PTPRG: variants seen among roughly 807,000 people sequenced by gnomAD.
The protein encoded by PTPRG is receptor-type tyrosine-protein phosphatase gamma.
PTPRG carries 102 observed loss-of-function variants against 165.3 expected under a neutral mutation model. That is an observed-to-expected ratio of 0.62 (90% CI 0.53 to 0.73). The LOEUF (loss-of-function observed/expected upper bound fraction) is 0.73, where lower values mean the gene tolerates loss of function less well. PTPRG is among the 30% of genes least tolerant of loss of function. PTPRG has a pLI of 0.00. For synonymous variants in PTPRG, 675 were observed against 669.5 expected (o/e 1.01, Z -0.13); for missense variants, 1,866 against 1,861.4 (o/e 1.00, Z -0.05).
At chr3:61,792,756 G>A (rs1380600006) in intron 2 of PTPRG, among the ~76,000 whole-genome samples, 3 of 143,574 alleles carry the variant, frequency 2.1e-5, no homozygotes, top group South Asian at 4.4e-4. Flanking sequence ...TTGAGATGGA[G>A]TCTCGCTCGA....
chr3:61,874,931 G>A (rs1231410397), intron 2 of PTPRG, among the ~76,000 whole-genome samples: 1 of 152,218 alleles, frequency 6.6e-6, no homozygotes, highest in Non-Finnish European at 1.5e-5. Context: ...TAGAGCTGGA[G>A]ACAAAGCAGG....
At position 62,229,005 on chromosome 3, in the gene PTPRG, C is replaced by CT. The variant is rs540977005; in HGVS notation, c.2289-2212dup. Among the ~76,000 whole-genome samples, 2 of 151,908 alleles carry CT rather than the reference C, an allele frequency of 1.3e-5. No individual in the cohort carries two copies. Among genetic ancestry groups the CT allele is most frequent in the Admixed American group, 1.3e-4 (2 of 15,244 alleles). ...CCATATCTGTGGCCATATTTCAAGACTTTTTTTTAATCATTAGGAATAATT... is the reference window on the plus strand; with the variant it reads ...CCATATCTGTGGCCATATTTCAAGACTTTTTTTTTAATCATTAGGAATAATT... On this transcript the variant is annotated intron_variant, in intron 13 of 29. Coordinates refer to ENST00000474889, the MANE Select transcript of PTPRG (RefSeq NM_002841.4). The surrounding 1 kb of genome is among the most constrained non-coding windows in gnomAD (Gnocchi z 4.6).
At chr3:62,184,069 C>T (rs1238041480) in intron 8 of PTPRG, among the ~76,000 whole-genome samples, 1 of 152,186 alleles carries the variant, frequency 6.6e-6, no homozygotes, top group Non-Finnish European at 1.5e-5. Context: ...TTCCTTGGCC[C>T]AGCCCAGTAA....
intron 2 of PTPRG, among the ~76,000 whole-genome samples, chr3:61,985,158 C>G (rs933869925): frequency 6.6e-6 from 1 of 152,252 alleles, no homozygotes; most frequent in African/African-American, 2.4e-5. Context: ...GGGGCGAACT[C>G]TACTTTTGAC....
chr3:61,800,323 G>C (rs1453756269), intron 2 of PTPRG, among the ~76,000 whole-genome samples: 1 of 152,038 alleles, frequency 6.6e-6, no homozygotes, highest in African/African-American at 2.4e-5. Flanking sequence ...CAAAAATAAA[G>C]ACAGAAAACA....
At chr3:62,063,112 A>G (rs1455425234) in intron 4 of PTPRG, among the ~76,000 whole-genome samples, 2 of 152,268 alleles carry the variant, frequency 1.3e-5, no homozygotes, top group Non-Finnish European at 1.5e-5. Context: ...GGGACCCAGA[A>G]TAATTAAATG....
chr3:61,761,644 T>G (rs1481999857), intron 2 of PTPRG, among the ~76,000 whole-genome samples: 1 of 152,152 alleles, frequency 6.6e-6, no homozygotes, highest in Non-Finnish European at 1.5e-5. Context: ...GGTATCTCAC[T>G]GTAGTTTTGA....
chr3:61,715,647 G>A (rs1314092698), intron 1 of PTPRG, among the ~76,000 whole-genome samples: 2 of 152,142 alleles, frequency 1.3e-5, no homozygotes, highest in Non-Finnish European at 2.9e-5. Context: ...GAGTGCAGCT[G>A]GGTTGACTGC....
intron 4 of PTPRG, among the ~76,000 whole-genome samples, chr3:62,046,783 TTTG>T: frequency 6.6e-6 from 1 of 152,284 alleles, no homozygotes; most frequent in African/African-American, 2.4e-5. Context: ...AAGGTAGATG[TTTG>T]TTATTTATCT....
intron 1 of PTPRG, among the ~76,000 whole-genome samples, chr3:61,671,429 CAT>C (rs1268605027): frequency 6.6e-6 from 1 of 151,820 alleles, no homozygotes; most frequent in African/African-American, 2.4e-5. Flanking sequence ...GGATATAGCA[CAT>C]GTTTCAGAGA....
intron 14 of PTPRG, among the ~76,000 whole-genome samples, chr3:62,236,213 G>A (rs147098521): frequency 2.6e-5 from 4 of 152,268 alleles, no homozygotes; most frequent in East Asian, 3.9e-4. Flanking sequence ...GTGGAATCCC[G>A]GAGTTATTTC....
At chr3:62,205,546 G>C (rs1260163922) in intron 12 of PTPRG, among the ~76,000 whole-genome samples, 1 of 151,790 alleles carries the variant, frequency 6.6e-6, no homozygotes, top group African/African-American at 2.4e-5. Context: ...GTGTAGCTCT[G>C]AGTGGTCAAG....
chr3:61,900,877 G>A (rs2038482546), intron 2 of PTPRG, among the ~76,000 whole-genome samples: 1 of 152,064 alleles, frequency 6.6e-6, no homozygotes, highest in Admixed American at 6.5e-5. Context: ...GTCCCGCTGT[G>A]GTTTTAGGCA....
At chr3:62,091,544 C>T (rs1701930681) in intron 5 of PTPRG, among the ~76,000 whole-genome samples, 1 of 152,110 alleles carries the variant, frequency 6.6e-6, no homozygotes, top group Non-Finnish European at 1.5e-5. Flanking sequence ...TTCCCCTGGA[C>T]CCCAAGGAAC....
intron 2 of PTPRG, among the ~76,000 whole-genome samples, chr3:61,887,068 T>C (rs2038057465): frequency 7.3e-6 from 1 of 137,856 alleles, no homozygotes; most frequent in Non-Finnish European, 1.6e-5. Context: ...TTTCTGATTG[T>C]TTTCCACTTA....
At chr3:61,748,789 C>T (rs1412801806) in intron 1 of PTPRG, 89 bp from the exon 2 acceptor site, 26 of 1,004,278 alleles carry the variant, frequency 2.6e-5, no homozygotes, top group Middle Eastern at 3.1e-4. Flanking sequence ...TATGATTCTA[C>T]GAAGTCACCC....
At position 62,233,200 on chromosome 3, in the gene PTPRG, C is replaced by A. The variant is rs1253872849; in HGVS notation, c.2375+1889C>A. ...CGGCGTGAATCCTGAGCAGTACCCC[C>A]TCTCACAGCTACATGTGCTATGCTA... is the stretch of plus-strand genomic sequence containing the variant. On this transcript the variant is annotated intron_variant, in intron 14 of 29. Transcript: ENST00000474889. This position sits in a 1 kb window ranked among gnomAD's most constrained non-coding sequence, Gnocchi z 4.7. 6.6e-6 allele frequency among the ~76,000 whole-genome samples: 1 copy of A among 152,186 alleles called. No individual in the cohort carries two copies. The highest frequency in any genetic ancestry group is 6.5e-5 in the Admixed American group (1 of 15,282).
At chr3:61,724,590 T>G (rs1420629946) in intron 1 of PTPRG, among the ~76,000 whole-genome samples, 3 of 152,094 alleles carry the variant, frequency 2.0e-5, no homozygotes, top group African/African-American at 7.2e-5. Flanking sequence ...CCTTTCCCAC[T>G]CTACACTCCC....
chr3:62,178,484 T>C (rs548058176), intron 8 of PTPRG, among the ~76,000 whole-genome samples: 5 of 152,256 alleles, frequency 3.3e-5, no homozygotes, highest in Admixed American at 3.3e-4. Context: ...GCTCCTGGGA[T>C]TGGGGAAGCC....
Sources: gnomAD v4.1 joint callset for allele counts (sites outside exome capture counted in the v4.1 genomes callset) on GRCh38, gnomAD v4.1.1 for gene constraint, Gnocchi (gnomAD v3.1) non-coding constraint, MANE v1.5 for transcripts, NCBI Gene and HGNC (gene_info 2026-07-23, HGNC 2026-07-21) for gene names.